The following CPAMD8 variants were observed in gnomAD, a reference collection of about 807,000 sequenced individuals.
CPAMD8 encodes C3 and PZP like alpha-2-macroglobulin domain containing 8.
In CPAMD8, 146 loss-of-function variants were observed where a neutral mutation model predicts 224.7. The observed-to-expected ratio is 0.65, with a 90% CI of 0.57 to 0.75. CPAMD8 has a LOEUF of 0.75. Ranked by LOEUF, CPAMD8 falls within the 30% of genes least tolerant of loss-of-function variation. CPAMD8 has a pLI of 0.00. For synonymous variants in CPAMD8, 966 were observed against 1,044.6 expected, an observed-to-expected ratio of 0.92 and a Z score of 1.45; for missense variants, 2,301 against 2,537.5, an observed-to-expected ratio of 0.91 and a Z score of 2.00.
chr19:16,936,381 T>C (rs2053683188), intron 23 of CPAMD8, among the ~76,000 whole-genome samples: 1 of 152,102 alleles, frequency 6.6e-6, no homozygotes, highest in Non-Finnish European at 1.5e-5. Flanking sequence ...TGGTTATTTC[T>C]TTTGCCCACT....
At chr19:16,895,592 A>G in intron 41 of CPAMD8, 1 of 310,104 alleles carries the variant, frequency 3.2e-6, no homozygotes, top group East Asian at 8.2e-5. Context: ...TTTGTTGACT[A>G]TGGTTGAGAT....
At chr19:16,927,344 C>T (rs530350704) in intron 25 of CPAMD8, among the ~76,000 whole-genome samples, 5 of 152,208 alleles carry the variant, frequency 3.3e-5, no homozygotes, top group Admixed American at 6.5e-5. Context: ...CTCCCTGGGA[C>T]CATGTAAGAC....
chr19:16,986,542 C>T (rs560059282), intron 13 of CPAMD8, among the ~76,000 whole-genome samples: 78 of 152,218 alleles, frequency 5.1e-4, no homozygotes, highest in African/African-American at 1.7e-3. Flanking sequence ...GGGCATGATC[C>T]TGTCTGACTT....
At chr19:17,007,655 T>G (rs1243703401) in intron 7 of CPAMD8, among the ~76,000 whole-genome samples, 1 of 152,004 alleles carries the variant, frequency 6.6e-6, no homozygotes, top group Non-Finnish European at 1.5e-5. Context: ...CCTGGGTGTG[T>G]GCATGGCCAT....
chr19:16,957,738 G>A, intron 19 of CPAMD8, 115 bp downstream of exon 19: 1 of 922,876 alleles, frequency 1.1e-6, no homozygotes, highest in South Asian at 1.5e-5. Context: ...GATGCACAGT[G>A]TCTTGCTCAG....
At chr19:16,938,735 C>A (rs2053781607) in intron 22 of CPAMD8, among the ~76,000 whole-genome samples, 1 of 152,140 alleles carries the variant, frequency 6.6e-6, no homozygotes, top group Non-Finnish European at 1.5e-5. Flanking sequence ...ACATCCCTAC[C>A]CTACCCTCCC....
Position 16,893,299 on chromosome 19 carries a change from G to A in CPAMD8, c.5467C>T (p.Leu1823=). 6.4e-7 allele frequency: 1 copy of A among 1,552,256 alleles called. No homozygotes were observed. ...GPRPPVSSGN[L]ESSTQSASPF... ...CTGGCGCTCTGGGTGCTGCTTTCCA[G>A]GTTCCCGCTGCTCACAGGAGGCCGA... is the stretch of plus-strand genomic sequence containing the variant. Residue 1823 remains leucine (L), a synonymous_variant, in exon 42 of 42, where the codon CTG becomes TTG. Coordinates refer to ENST00000443236, the MANE Select transcript of CPAMD8 (RefSeq NM_015692.5).
chr19:17,015,795 C>A (rs551809288), intron 3 of CPAMD8, among the ~76,000 whole-genome samples: 2 of 152,198 alleles, frequency 1.3e-5, no homozygotes, highest in East Asian at 3.9e-4. Context: ...TGCTGAGGAC[C>A]GTATGCTGGA....
In CPAMD8 at chr19:17,026,548, C is replaced by CA; in HGVS notation, c.92+2dup. 6.6e-7 allele frequency: 1 copy of CA among 1,511,888 alleles called. No homozygotes were observed. Among genetic ancestry groups the CA allele is most frequent in the Non-Finnish European group, 8.8e-7 (1 of 1,139,426 alleles). 93.7% of individuals were successfully genotyped at this position (1,511,888 alleles called of 1,614,324 possible). A position where few individuals can be genotyped will look rare whatever the true frequency, so the allele number is the denominator to read the frequency against. On this transcript the variant is annotated splice_region_variant and intron_variant, in intron 1 of 41. Transcript: ENST00000443236. ...ACCTCCTCTGTCGCCGGAGGATACT[C>CA]ACGGGGCCTGAGGCTGCGCGGCGCG...
At position 16,977,371 on chromosome 19, in the gene CPAMD8, G is replaced by A; in HGVS notation, c.1755C>T (p.Asn585=). The change falls in exon 15 of 42, where the codon AAC becomes AAT. Residue 585 remains asparagine, a synonymous_variant. Transcript: ENST00000443236. The stretch of plus-strand genomic sequence containing the variant: ...GGTTCAGTGCACGATGCTCTACCTG[G>A]TTTTCGAAGAAGGTCTCGACTGCAA... The part of the protein sequence containing the change: ...LQFAVETFFE[N]QVSVTYSANE... 1.2e-6 allele frequency: 2 copies of A among 1,608,982 alleles called. No individual in the cohort carries two copies. The highest frequency in any genetic ancestry group is 8.5e-7 in the Non-Finnish European group (1 of 1,177,076).
At chr19:16,923,509 T>G (rs2053250220) in intron 26 of CPAMD8, among the ~76,000 whole-genome samples, 1 of 151,952 alleles carries the variant, frequency 6.6e-6, no homozygotes, top group Admixed American at 6.6e-5. Context: ...AATTCTGTAC[T>G]GGGTGGGTCC....
chr19:16,975,326 G>C (rs1356739082), intron 16 of CPAMD8, 68 bp from the exon 17 acceptor site: 15 of 1,308,470 alleles, frequency 1.1e-5, no homozygotes, highest in Non-Finnish European at 1.5e-5. Flanking sequence ...GGCTCCCGTG[G>C]GTGTGGCATG....
chr19:16,994,919 G>A (rs549353046), intron 11 of CPAMD8, among the ~76,000 whole-genome samples: 12 of 152,092 alleles, frequency 7.9e-5, no homozygotes, highest in African/African-American at 2.4e-4. Flanking sequence ...CTCTTGCCTC[G>A]GCCTCCCAAA....
chr19:16,936,551 T>C (rs944104257), intron 23 of CPAMD8, among the ~76,000 whole-genome samples: 9 of 151,814 alleles, frequency 5.9e-5, no homozygotes, highest in Non-Finnish European at 4.4e-5. Flanking sequence ...CACAGGCACC[T>C]GCCACCATGC....
chr19:16,919,062 G>A lies in CPAMD8; in HGVS notation c.3629+2843C>T, dbSNP rs552694077. ...TATTAAAAATACAAAAATTAGCCAG[G>A]CATGGTGGCAGGTGCCTATAGTCCC... On this transcript the variant is annotated intron_variant, in intron 27 of 41. Transcript: ENST00000443236. Among the ~76,000 whole-genome samples, 5 of 152,036 alleles carry A rather than the reference G, an allele frequency of 3.3e-5. No homozygotes were observed. The South Asian group carries it at 8.3e-4, about 25-fold the overall frequency.
intron 23 of CPAMD8, among the ~76,000 whole-genome samples, chr19:16,934,742 T>A (rs1161358765): frequency 6.6e-6 from 1 of 152,228 alleles, no homozygotes; most frequent in Non-Finnish European, 1.5e-5. Flanking sequence ...TCCTTCTACC[T>A]TCCCAAATTT....
In CPAMD8 at chr19:16,899,033, G is replaced by C. The variant is rs2052145219; in HGVS notation, c.4848+442C>G. On this transcript the variant is annotated intron_variant, in intron 37 of 41. Transcript: ENST00000443236. This position sits in a 1 kb window ranked among gnomAD's most constrained non-coding sequence, Gnocchi z 5.4. ...CCTCCCAGGTTCAAACGACTCTCCT[G>C]CCTCAGCCTCCCAAATAGCTGGGAT... is the stretch of plus-strand genomic sequence containing the variant. 6.6e-6 allele frequency among the ~76,000 whole-genome samples: 1 copy of C among 152,026 alleles called. No individual in the cohort carries two copies. The highest frequency in any genetic ancestry group is 2.1e-4 in the South Asian group (1 of 4,818).
chr19:16,925,120 AGCGTGGTCTTCTCCACTGAAG>A, intron 26 of CPAMD8, 55 bp downstream of exon 26: 1 of 1,501,146 alleles, frequency 6.7e-7, no homozygotes, highest in South Asian at 1.2e-5. Context: ...GGCCACCTCC[AGCGTGGTCTTCTCCACTGAAG>A]GCTGAACCTG....
At chr19:16,929,719 A>G (rs1227451116) in intron 23 of CPAMD8, among the ~76,000 whole-genome samples, 1 of 152,178 alleles carries the variant, frequency 6.6e-6, no homozygotes, top group East Asian at 1.9e-4. Flanking sequence ...TCTCTCTAAA[A>G]ACAAAAAGAT....
Sources: gnomAD v4.1 joint callset for allele counts (sites outside exome capture counted in the v4.1 genomes callset) on GRCh38, gnomAD v4.1.1 for gene constraint, Gnocchi (gnomAD v3.1) non-coding constraint, MANE v1.5 for transcripts, NCBI Gene and HGNC (gene_info 2026-07-23, HGNC 2026-07-21) for gene names.